KIRREL3: variants seen among roughly 807,000 people sequenced by gnomAD.
The protein encoded by KIRREL3 is kin of IRRE-like protein 3.
Under a neutral mutation model 89.7 loss-of-function variants are expected in KIRREL3, and 36 were observed. The ratio of observed to expected loss-of-function variants is 0.40; its 90% CI spans 0.31 to 0.53. The LOEUF (loss-of-function observed/expected upper bound fraction) is 0.53. KIRREL3 is among the 20% of genes least tolerant of loss of function. The pLI, the probability that KIRREL3 is intolerant of heterozygous loss-of-function variation, is 0.49. For synonymous variants in KIRREL3, 445 were observed against 441.4 expected, an observed-to-expected ratio of 1.01 and a Z score of -0.10; for missense variants, 864 against 1,056.6, an observed-to-expected ratio of 0.82 and a Z score of 2.53.
In KIRREL3 at chr11:126,985,817, A is replaced by G. The variant is rs1949850220; in HGVS notation, c.55+14638T>C. 6.6e-6 allele frequency among the ~76,000 whole-genome samples: 1 copy of G among 152,208 alleles called. No individual in the cohort carries two copies. The highest frequency in any genetic ancestry group is 1.5e-5 in the Non-Finnish European group (1 of 68,042). Reference sequence around the variant, plus strand: ...GGTTATTGTCACAGCGGAGCTACTGACATAGTTCAATGATGAAAGGAAACT... The same window carrying G: ...GGTTATTGTCACAGCGGAGCTACTGGCATAGTTCAATGATGAAAGGAAACT... On this transcript the variant is annotated intron_variant, in intron 1 of 16. Transcript: ENST00000525144. The surrounding 1 kb of genome is among the most constrained non-coding windows in gnomAD (Gnocchi z 5.3).
At chr11:126,992,711 C>G (rs894176968) in intron 1 of KIRREL3, among the ~76,000 whole-genome samples, 3 of 152,140 alleles carry the variant, frequency 2.0e-5, no homozygotes, top group Admixed American at 1.3e-4. Context: ...CAAAATGTCC[C>G]TAGGTTTTTG....
Position 126,636,646 on chromosome 11 carries a change from G to A in KIRREL3, c.56-73734C>T, listed in dbSNP as rs946380840. ...CTGGACCCAGCTTACTGCCTGCTCTGCTGCCAGCACCCTTTCTTGTGTCTT... is the reference window on the plus strand; with the variant it reads ...CTGGACCCAGCTTACTGCCTGCTCTACTGCCAGCACCCTTTCTTGTGTCTT... On this transcript the variant is annotated intron_variant, in intron 1 of 16. Transcript: ENST00000525144. The surrounding 1 kb of genome is among the most constrained non-coding windows in gnomAD (Gnocchi z 4.4). Among the ~76,000 whole-genome samples the A allele has an allele frequency of 6.6e-6, 1 of 152,120 alleles. No homozygotes were observed. Among genetic ancestry groups the A allele is most frequent in the African/African-American group, 2.4e-5 (1 of 41,426 alleles).
rs1948835646 is a variant in KIRREL3, at chr11:126,953,646, G to A, written c.55+46809C>T. Among the ~76,000 whole-genome samples the A allele has an allele frequency of 6.6e-6, 1 of 152,106 alleles. No homozygotes were observed. The highest frequency in any genetic ancestry group is 2.1e-4 in the South Asian group (1 of 4,820). ...ACAGAGAGAGAGAACGACCAAGTAC[G>A]ATGACAAGATAAAAAGGCTGATTGC... On this transcript the variant is annotated intron_variant, in intron 1 of 16. Coordinates refer to ENST00000525144, the MANE Select transcript of KIRREL3 (RefSeq NM_032531.4). The surrounding 1 kb of genome is among the most constrained non-coding windows in gnomAD (Gnocchi z 5.2).
rs1956478063 is a variant in KIRREL3 at position 126,459,511 on chromosome 11, G to A, written c.743-3057C>T. On this transcript the variant is annotated intron_variant, in intron 6 of 16. Coordinates refer to ENST00000525144, the MANE Select transcript of KIRREL3 (RefSeq NM_032531.4). The surrounding 1 kb of genome is among the most constrained non-coding windows in gnomAD (Gnocchi z 4.8). ...AGCTTCTTTCTCCACTTCTGCTGGT[G>A]TACAGAATATACATTTTCAGGAGTC... Among the ~76,000 whole-genome samples, 1 of 152,292 alleles carries A rather than the reference G, an allele frequency of 6.6e-6. No homozygotes were observed. The highest frequency in any genetic ancestry group is 1.5e-5 in the Non-Finnish European group (1 of 68,040).
intron 1 of KIRREL3, among the ~76,000 whole-genome samples, chr11:126,934,381 A>G (rs1948087329): frequency 6.6e-6 from 1 of 152,196 alleles, no homozygotes; most frequent in African/African-American, 2.4e-5. Flanking sequence ...ATAGTAGAAA[A>G]CCACTGTGAC....
rs2135272277 is a variant in KIRREL3, at chr11:126,989,584, GCTAT to G, written c.55+10867_55+10870del. ...TGCACCTTTCCTTCATTCTATTCCC[GCTAT>G]CTTAGTTCACGCTGCCTGTGGATCA... On this transcript the variant is annotated intron_variant, in intron 1 of 16. Coordinates refer to ENST00000525144, the MANE Select transcript of KIRREL3 (RefSeq NM_032531.4). This position sits in a 1 kb window ranked among gnomAD's most constrained non-coding sequence, Gnocchi z 6.2. 6.6e-6 allele frequency among the ~76,000 whole-genome samples: 1 copy of G among 152,224 alleles called. No homozygotes were observed. The highest frequency in any genetic ancestry group is 6.5e-5 in the Admixed American group (1 of 15,288).
chr11:126,840,554 C>G (rs1340506755), intron 1 of KIRREL3, among the ~76,000 whole-genome samples: 1 of 152,188 alleles, frequency 6.6e-6, no homozygotes, highest in Non-Finnish European at 1.5e-5. Flanking sequence ...GTTTCACGCT[C>G]CGATTTCAGT....
intron 1 of KIRREL3, among the ~76,000 whole-genome samples, chr11:126,945,951 C>T (rs2135130042): frequency 6.6e-6 from 1 of 152,304 alleles, no homozygotes; most frequent in African/African-American, 2.4e-5. Context: ...TCACCAAACA[C>T]TGAGCATCCA....
rs1957297648 is a variant in KIRREL3, at chr11:126,484,441, AG to A, written c.434-10976del. ...CCTTTAATCCTCACAGCTCTATATA[AG>A]GTAGATACAATGACGATGCATATTT... On this transcript the variant is annotated intron_variant, in intron 4 of 16. Transcript: ENST00000525144. The surrounding 1 kb of genome is among the most constrained non-coding windows in gnomAD (Gnocchi z 5.2). Among the ~76,000 whole-genome samples the A allele has an allele frequency of 6.6e-6, 1 of 152,246 alleles. No individual in the cohort carries two copies. The highest frequency in any genetic ancestry group is 2.4e-5 in the African/African-American group (1 of 41,472).
Position 126,953,839 on chromosome 11 carries a change from C to A in KIRREL3, c.55+46616G>T, listed in dbSNP as rs1387334744. ...TATATAAATTCTGCAGTGACTTTTCCCTGGTGTTATTAGTTGTTTGGGTTT... is the reference window on the plus strand; with the variant it reads ...TATATAAATTCTGCAGTGACTTTTCACTGGTGTTATTAGTTGTTTGGGTTT... On this transcript the variant is annotated intron_variant, in intron 1 of 16. Coordinates refer to ENST00000525144, the MANE Select transcript of KIRREL3 (RefSeq NM_032531.4). This position sits in a 1 kb window ranked among gnomAD's most constrained non-coding sequence, Gnocchi z 5.2. Among the ~76,000 whole-genome samples, 1 of 151,998 alleles carries A rather than the reference C, an allele frequency of 6.6e-6. No homozygotes were observed. The highest frequency in any genetic ancestry group is 6.6e-5 in the Admixed American group (1 of 15,264).
rs998876429 is a variant in KIRREL3, at chr11:126,443,224, T to A, written c.1252+1755A>T. Among the ~76,000 whole-genome samples, 3 of 151,996 alleles carry A rather than the reference T, an allele frequency of 2.0e-5. No individual in the cohort carries two copies. Among genetic ancestry groups the A allele is most frequent in the Non-Finnish European group, 4.4e-5 (3 of 68,002 alleles). ...AGTGTGAGGGTCCCGGGCTGGCTGG[T>A]CATAGGGCCAGCAGAGCAGAGCCGG... On this transcript the variant is annotated intron_variant, in intron 10 of 16. Transcript: ENST00000525144. The surrounding 1 kb of genome is among the most constrained non-coding windows in gnomAD (Gnocchi z 7.3).
At chr11:126,803,772 C>A (rs2134401523) in intron 1 of KIRREL3, among the ~76,000 whole-genome samples, 1 of 152,262 alleles carries the variant, frequency 6.6e-6, no homozygotes, top group South Asian at 2.1e-4. Flanking sequence ...TCTTTTCTAA[C>A]CTGCTTGTTT....
rs1324721720 is a variant in KIRREL3 at position 126,623,068 on chromosome 11, C to G, written c.56-60156G>C. On this transcript the variant is annotated intron_variant, in intron 1 of 16. Transcript: ENST00000525144. This position sits in a 1 kb window ranked among gnomAD's most constrained non-coding sequence, Gnocchi z 4.1. ...AATATGATATTTACAATTTACAAAGCGTTATCCACTAGTTATCTCACTGAT... is the reference window on the plus strand; with the variant it reads ...AATATGATATTTACAATTTACAAAGGGTTATCCACTAGTTATCTCACTGAT... Among the ~76,000 whole-genome samples, 2 of 152,138 alleles carry G rather than the reference C, an allele frequency of 1.3e-5. No individual in the cohort carries two copies. Among genetic ancestry groups the G allele is most frequent in the African/African-American group, 4.8e-5 (2 of 41,420 alleles).
rs926502602 is a variant in KIRREL3 at position 126,830,190 on chromosome 11, C to G, written c.55+170265G>C. Among the ~76,000 whole-genome samples, 1 of 152,170 alleles carries G rather than the reference C, an allele frequency of 6.6e-6. No homozygotes were observed. The highest frequency in any genetic ancestry group is 1.5e-5 in the Non-Finnish European group (1 of 68,018). ...GAATGAACAACCCTTGCTAATCACT[C>G]TGGTCAATATTTATCATAGGTACAT... is the stretch of plus-strand genomic sequence containing the variant. On this transcript the variant is annotated intron_variant, in intron 1 of 16. Coordinates refer to ENST00000525144, the MANE Select transcript of KIRREL3 (RefSeq NM_032531.4). The surrounding 1 kb of genome is among the most constrained non-coding windows in gnomAD (Gnocchi z 4.9).
chr11:126,688,476 T>G (rs1946750716), intron 1 of KIRREL3, among the ~76,000 whole-genome samples: 1 of 152,100 alleles, frequency 6.6e-6, no homozygotes, highest in Non-Finnish European at 1.5e-5. Flanking sequence ...TTCTTTTTTC[T>G]TTTTTTTCTA....
At chr11:126,949,479 C>A (rs1948715772) in intron 1 of KIRREL3, among the ~76,000 whole-genome samples, 1 of 152,184 alleles carries the variant, frequency 6.6e-6, no homozygotes, top group Non-Finnish European at 1.5e-5. Context: ...CATGCCCCTC[C>A]CCATGGAGGG....
In KIRREL3 at chr11:126,709,013, C is replaced by A. The variant is rs1295314606; in HGVS notation, c.56-146101G>T. Among the ~76,000 whole-genome samples, 5 of 152,212 alleles carry A rather than the reference C, an allele frequency of 3.3e-5. No individual in the cohort carries two copies. Among genetic ancestry groups the A allele is most frequent in the East Asian group, 1.9e-4 (1 of 5,196 alleles). On this transcript the variant is annotated intron_variant, in intron 1 of 16. Coordinates refer to ENST00000525144, the MANE Select transcript of KIRREL3 (RefSeq NM_032531.4). This position sits in a 1 kb window ranked among gnomAD's most constrained non-coding sequence, Gnocchi z 4.0. ...AGTTTCTGCCCCCACCCCAGGACAG[C>A]TTGTGTTATCACGGCCAGGTGGATC...
Position 126,872,399 on chromosome 11 carries a change from T to G in KIRREL3, c.55+128056A>C, listed in dbSNP as rs1945136388. On this transcript the variant is annotated intron_variant, in intron 1 of 16. Transcript: ENST00000525144. This position sits in a 1 kb window ranked among gnomAD's most constrained non-coding sequence, Gnocchi z 4.2. ...GCTATTCTGGGCATGGGCACGGGGC[T>G]TATGGGGTAGCCCTGCTCAGCAAGG... 1.3e-5 allele frequency among the ~76,000 whole-genome samples: 2 copies of G among 152,214 alleles called. No homozygotes were observed. The highest frequency in any genetic ancestry group is 2.9e-5 in the Non-Finnish European group (2 of 68,024).
chr11:126,583,261 C>T (rs944185918), intron 1 of KIRREL3, among the ~76,000 whole-genome samples: 1 of 152,150 alleles, frequency 6.6e-6, no homozygotes, highest in African/African-American at 2.4e-5. Flanking sequence ...AAAATATGCC[C>T]CCGCTCTAGG....
Sources: gnomAD v4.1 joint callset for allele counts (sites outside exome capture counted in the v4.1 genomes callset) on GRCh38, gnomAD v4.1.1 for gene constraint, Gnocchi (gnomAD v3.1) non-coding constraint, MANE v1.5 for transcripts, NCBI Gene and HGNC (gene_info 2026-07-23, HGNC 2026-07-21) for gene names.